The following PTBP2 variants were observed in gnomAD, a reference collection of about 807,000 sequenced individuals.
PTBP2 encodes the protein polypyrimidine tract binding protein 2.
Under a neutral mutation model 61.4 loss-of-function variants are expected in PTBP2, and 13 were observed. The observed-to-expected ratio is 0.21, with a 90% CI of 0.14 to 0.34. PTBP2 has a LOEUF of 0.34. Ranked by LOEUF, PTBP2 falls within the 10% of genes least tolerant of loss-of-function variation. The pLI, the probability that PTBP2 is intolerant of heterozygous loss-of-function variation, is 1.00. For synonymous variants in PTBP2, 215 were observed against 218.5 expected (o/e 0.98, Z 0.14); for missense variants, 405 against 642.6 (o/e 0.63, Z 4.00).
At chr1:96,728,776 A>G (rs1037156006) in intron 2 of PTBP2, among the ~76,000 whole-genome samples, 13 of 150,678 alleles carry the variant, frequency 8.6e-5, no homozygotes, top group African/African-American at 3.2e-4. Context: ...CATCATGACT[A>G]CAATTGATGT....
At chr1:96,726,879 G>A (rs566253786) in intron 2 of PTBP2, among the ~76,000 whole-genome samples, 11 of 152,056 alleles carry the variant, frequency 7.2e-5, no homozygotes, top group Non-Finnish European at 1.5e-4. Context: ...CACCGCGTCC[G>A]GCCCATATCT....
At chr1:96,817,843 CAAAT>C (rs1438843249), downstream of PTBP2, 1 of 151,984 alleles carries the variant, frequency 6.6e-6, no homozygotes. Flanking sequence ...ATAAAAATGG[CAAAT>C]AATATGATAT....
At chr1:96,757,907 T>C (rs1428039350) in intron 3 of PTBP2, among the ~76,000 whole-genome samples, 2 of 152,060 alleles carry the variant, frequency 1.3e-5, no homozygotes, top group Non-Finnish European at 2.9e-5. Context: ...CAAGGGTGTG[T>C]ATGGTGAAAA....
In PTBP2 at chr1:96,813,410, G is replaced by A; in HGVS notation, c.*5G>A. ...TTCTCCAAGTCAACAATTTAAAAAT[G>A]GGAAGATGAAGATTGGGGGTGAATC... On this transcript the variant is annotated 3_prime_UTR_variant, in exon 14 of 14. Transcript: ENST00000674951. 6.3e-7 allele frequency: 1 copy of A among 1,581,180 alleles called. No homozygotes were observed. Among genetic ancestry groups the A allele is most frequent in the East Asian group, 2.3e-5 (1 of 44,236 alleles).
At chr1:96,726,580 G>T (rs537159669) in intron 2 of PTBP2, among the ~76,000 whole-genome samples, 4 of 152,216 alleles carry the variant, frequency 2.6e-5, no homozygotes, top group African/African-American at 9.6e-5. Context: ...TGGGACTACA[G>T]GCGCCTGCCA....
At chr1:96,728,708 C>G (rs1478101829) in intron 2 of PTBP2, among the ~76,000 whole-genome samples, 1 of 151,860 alleles carries the variant, frequency 6.6e-6, no homozygotes, top group Non-Finnish European at 1.5e-5. Flanking sequence ...CTTAGAAAAA[C>G]TGCTTGGATT....
intron 3 of PTBP2, among the ~76,000 whole-genome samples, chr1:96,755,982 G>A (rs935113674): frequency 6.6e-5 from 10 of 152,268 alleles, no homozygotes; most frequent in South Asian, 4.2e-4. Context: ...TAGAATGGCC[G>A]AACTTCAGAA....
chr1:96,765,392 G>A (rs1656566152), intron 3 of PTBP2, among the ~76,000 whole-genome samples: 1 of 152,150 alleles, frequency 6.6e-6, no homozygotes, highest in African/African-American at 2.4e-5. Context: ...CGGTGAATGA[G>A]TAGGACTAAA....
intron 7 of PTBP2, among the ~76,000 whole-genome samples, chr1:96,781,567 C>T (rs1658672262): frequency 6.6e-6 from 1 of 151,870 alleles, no homozygotes; most frequent in Non-Finnish European, 1.5e-5. Context: ...TCTTTATGCC[C>T]AACTTCTGCT....
chr1:96,817,171 G>A (rs1662518844), downstream of PTBP2: 2 of 152,068 alleles, frequency 1.3e-5, no homozygotes, highest in South Asian at 4.1e-4. Flanking sequence ...CTGTGAAACA[G>A]GTAATTTTAA....
At chr1:96,798,272 G>C (rs368111052) in intron 8 of PTBP2, among the ~76,000 whole-genome samples, 4 of 151,886 alleles carry the variant, frequency 2.6e-5, no homozygotes, top group African/African-American at 9.7e-5. Context: ...CAGGTGTGGT[G>C]GTGGGCGCCT....
chr1:96,777,636 C>G lies in PTBP2; in HGVS notation c.484C>G (p.Pro162Ala). The stretch of plus-strand genomic sequence containing the variant: ...GACAGCTGTCCAGACAGCAAATACT[C>G]CTCTTAGTGGCACCACAGTTAGCGA... The part of the protein sequence containing the change: ...AVTAVQTANT[P>A]LSGTTVSESA... The change falls in exon 6 of 14, where the codon CCT becomes GCT. Residue 162 changes from proline to alanine, a missense_variant. Pro to Ala is a conservative substitution (Grantham distance 27). This residue lies in a region of PTBP2 where 342 missense variants were observed against 491.2 expected (regional missense o/e 0.70). Transcript: ENST00000674951. 1 of 1,613,516 alleles carries G rather than the reference C, an allele frequency of 6.2e-7. No individual in the cohort carries two copies. The highest frequency in any genetic ancestry group is 8.5e-7 in the Non-Finnish European group (1 of 1,179,628).
In PTBP2 at chr1:96,812,671, C is replaced by T. The variant is rs377508808; in HGVS notation, c.1172-41C>T. On this transcript the variant is annotated intron_variant, in intron 11 of 13. Coordinates refer to ENST00000674951, the MANE Select transcript of PTBP2 (RefSeq NM_021190.4). The stretch of plus-strand genomic sequence containing the variant: ...TTAAAAGAATTATGTTTGTTTTGAG[C>T]TTTGATATTGTTTGTTAATAGACAT... 3 of 1,392,324 alleles carry T rather than the reference C, an allele frequency of 2.2e-6. No individual in the cohort carries two copies. The African/African-American group carries it at 4.3e-5, about 20-fold the overall frequency. The allele number at this position is 1,392,324 out of a possible 1,614,324, so 86.2% of individuals were successfully genotyped here. A position where few individuals can be genotyped will look rare whatever the true frequency, so the allele number is the denominator to read the frequency against.
intron 1 of PTBP2, among the ~76,000 whole-genome samples, chr1:96,722,381 G>C (rs1342859113): frequency 6.6e-6 from 1 of 152,030 alleles, no homozygotes; most frequent in Non-Finnish European, 1.5e-5. Context: ...GGCCCTCCGT[G>C]GTCGGGAGAG....
At position 96,813,457 on chromosome 1, in the gene PTBP2, T is replaced by C. The variant is rs756692415; in HGVS notation, c.*52T>C. ...AATCACATTGTTCAATGTCATCACC[T>C]ATTTGACTGTTCAGAAAAGTGGGGA... On this transcript the variant is annotated 3_prime_UTR_variant, in exon 14 of 14. Transcript: ENST00000674951. The C allele has an allele frequency of 4.2e-6, 6 of 1,439,258 alleles. No homozygotes were observed. Among genetic ancestry groups the C allele is most frequent in the Non-Finnish European group, 4.6e-6 (5 of 1,081,768 alleles). The allele number at this position is 1,439,258 out of a possible 1,614,324, so 89.2% of individuals were successfully genotyped here. A position where few individuals can be genotyped will look rare whatever the true frequency, so the allele number is the denominator to read the frequency against.
rs367854574 is a variant in PTBP2 at position 96,748,948 on chromosome 1, A to C, written c.40-2477A>C. Among the ~76,000 whole-genome samples, 17 of 152,330 alleles carry C rather than the reference A, an allele frequency of 1.1e-4. No homozygotes were observed. The East Asian group carries it at 1.7e-3, about 16-fold the overall frequency. On this transcript the variant is annotated intron_variant, in intron 2 of 13. Coordinates refer to ENST00000674951, the MANE Select transcript of PTBP2 (RefSeq NM_021190.4). ...CAGGCATAATTGCTTTTTTCAAATAAAAATGTAATTTGTAAAAATACTCCA... is the reference window on the plus strand; with the variant it reads ...CAGGCATAATTGCTTTTTTCAAATACAAATGTAATTTGTAAAAATACTCCA...
chr1:96,759,792 T>A (rs1655590738), intron 3 of PTBP2, among the ~76,000 whole-genome samples: 1 of 152,118 alleles, frequency 6.6e-6, no homozygotes, highest in Admixed American at 6.5e-5. Context: ...TATGACTGTA[T>A]TAGTCCATTT....
chr1:96,816,224 C>G (rs1259772793), downstream of PTBP2: 1 of 152,094 alleles, frequency 6.6e-6, no homozygotes, highest in African/African-American at 2.4e-5. Flanking sequence ...TTCCAAAGCA[C>G]CAAGTCACTA....
chr1:96,780,238 C>CT (rs1297754930), intron 7 of PTBP2, among the ~76,000 whole-genome samples: 1 of 151,874 alleles, frequency 6.6e-6, no homozygotes, highest in East Asian at 1.9e-4. Context: ...ATTTATTTCT[C>CT]TCTATATTGG....
Sources: gnomAD v4.1 joint callset for allele counts (sites outside exome capture counted in the v4.1 genomes callset) on GRCh38, gnomAD v4.1.1 for gene constraint, gnomAD v4.1.1 regional missense constraint, MANE v1.5 for transcripts, NCBI Gene and HGNC (gene_info 2026-07-23, HGNC 2026-07-21) for gene names.